The following RAB11FIP2 variants were observed in gnomAD, a reference collection of about 807,000 sequenced individuals.
The protein encoded by RAB11FIP2 is rab11 family-interacting protein 2.
Under a neutral mutation model 40.9 loss-of-function variants are expected in RAB11FIP2, and 16 were observed. The ratio of observed to expected loss-of-function variants is 0.39; its 90% CI spans 0.26 to 0.59. The LOEUF (loss-of-function observed/expected upper bound fraction) is 0.59. Among genes scored for constraint, RAB11FIP2 ranks in the 20% least tolerant of loss-of-function variants. The probability of loss-of-function intolerance (pLI) is 0.53; values close to 1 mark genes in which losing one functional copy is unlikely to be tolerated. For missense variants in RAB11FIP2, 532 were observed against 606.2 expected (o/e 0.88, Z 1.28); for synonymous variants, 228 against 213.7 (o/e 1.07, Z -0.58).
rs974094384 is a variant in RAB11FIP2, at chr10:118,004,946, T to A, written c.*4052A>T. ...TTTAAACACTTTAATCAACTATAAG[T>A]CAATAATCATATATTATATAAAAAT... is the stretch of plus-strand genomic sequence containing the variant. On this transcript the variant is annotated 3_prime_UTR_variant, in exon 5 of 5. Transcript: ENST00000355624. 6.6e-6 allele frequency: 1 copy of A among 152,614 alleles called. No homozygotes were observed. The highest frequency in any genetic ancestry group is 2.4e-5 in the African/African-American group (1 of 41,456). The allele number at this position is 152,614 out of a possible 1,614,324, so 9.5% of individuals were successfully genotyped here. A position where few individuals can be genotyped will look rare whatever the true frequency, so the allele number is the denominator to read the frequency against.
chr10:118,042,568 G>A (rs1355497268), intron 1 of RAB11FIP2, among the ~76,000 whole-genome samples: 1 of 152,200 alleles, frequency 6.6e-6, no homozygotes, highest in Non-Finnish European at 1.5e-5. Context: ...AAGGAGACAT[G>A]AGAGCTGAAG....
At chr10:118,017,158 G>A (rs975510134) in intron 3 of RAB11FIP2, among the ~76,000 whole-genome samples, 8 of 152,128 alleles carry the variant, frequency 5.3e-5, no homozygotes, top group African/African-American at 1.7e-4. Context: ...GTTAGTAGCT[G>A]GTGGAGCTGT....
rs995533559 is a variant in RAB11FIP2 at position 118,007,687 on chromosome 10, T to C, written c.*1311A>G. On this transcript the variant is annotated 3_prime_UTR_variant, in exon 5 of 5. Coordinates refer to ENST00000355624, the MANE Select transcript of RAB11FIP2 (RefSeq NM_014904.3). ...GAAGATTAGCAATATTTTTATAACA[T>C]TGCTTGTCAATTTAAATTTCAGAAA... The C allele has an allele frequency of 6.6e-6, 1 of 152,082 alleles. No individual in the cohort carries two copies. The highest frequency in any genetic ancestry group is 2.4e-5 in the African/African-American group (1 of 41,432). 9.4% of individuals were successfully genotyped at this position (152,082 alleles called of 1,614,324 possible). A position where few individuals can be genotyped will look rare whatever the true frequency, so the allele number is the denominator to read the frequency against.
chr10:118,019,927 A>T (rs971636552), intron 3 of RAB11FIP2, among the ~76,000 whole-genome samples: 1 of 152,196 alleles, frequency 6.6e-6, no homozygotes, highest in African/African-American at 2.4e-5. Flanking sequence ...TGAGTCTAAA[A>T]GGAGGAAAAG....
chr10:118,013,716 C>T (rs981299400), intron 4 of RAB11FIP2, among the ~76,000 whole-genome samples: 10 of 152,062 alleles, frequency 6.6e-5, no homozygotes, highest in Non-Finnish European at 1.0e-4. Context: ...AATAATCACA[C>T]ATCAAGGATT....
At chr10:118,014,494 C>G (rs1053593285) in intron 4 of RAB11FIP2, among the ~76,000 whole-genome samples, 10 of 152,132 alleles carry the variant, frequency 6.6e-5, no homozygotes, top group African/African-American at 2.2e-4. Context: ...TTCAGATTAT[C>G]TGAATAATCC....
At chr10:118,011,937 T>C (rs919320845) in intron 4 of RAB11FIP2, among the ~76,000 whole-genome samples, 2 of 151,950 alleles carry the variant, frequency 1.3e-5, no homozygotes, top group East Asian at 1.9e-4. Context: ...AAATTACACA[T>C]ATATAAACTG....
chr10:118,018,698 T>C (rs1846249573), intron 3 of RAB11FIP2, among the ~76,000 whole-genome samples: 1 of 152,206 alleles, frequency 6.6e-6, no homozygotes, highest in Admixed American at 6.6e-5. Flanking sequence ...TCTTCTACAA[T>C]ATCACTTGTT....
chr10:118,016,274 C>A (rs557476203), intron 3 of RAB11FIP2, among the ~76,000 whole-genome samples: 3 of 152,284 alleles, frequency 2.0e-5, no homozygotes, highest in Non-Finnish European at 2.9e-5. Flanking sequence ...TTCAGCAGAG[C>A]TGGGTTGCAT....
At position 118,010,034 on chromosome 10, in the gene RAB11FIP2, C is replaced by T. The variant is rs1036408168; in HGVS notation, c.1312-809G>A. 2.4e-4 allele frequency among the ~76,000 whole-genome samples: 37 copies of T among 152,090 alleles called. 1 individual carries two copies. The highest frequency in any genetic ancestry group is 8.4e-4 in the African/African-American group (35 of 41,514). ...CAAAAGCATAAATATAACCAAAAAT[C>T]TTTTTTAAAAGACACTTATTAATTC... is the stretch of plus-strand genomic sequence containing the variant. On this transcript the variant is annotated intron_variant, in intron 4 of 4. Coordinates refer to ENST00000355624, the MANE Select transcript of RAB11FIP2 (RefSeq NM_014904.3).
chr10:118,025,687 C>T (rs1487770690), intron 3 of RAB11FIP2, among the ~76,000 whole-genome samples: 1 of 152,302 alleles, frequency 6.6e-6, no homozygotes, highest in South Asian at 2.1e-4. Context: ...AATAAGGTCA[C>T]ATCTTCACTA....
chr10:118,028,454 G>A (rs549650647), intron 3 of RAB11FIP2, among the ~76,000 whole-genome samples: 124 of 152,150 alleles, frequency 8.1e-4, no homozygotes, highest in African/African-American at 2.9e-3. Flanking sequence ...CCAGTTACAT[G>A]CAGGTAAGAA....
intron 1 of RAB11FIP2, among the ~76,000 whole-genome samples, chr10:118,041,167 C>A (rs1266654356): frequency 1.3e-5 from 2 of 151,376 alleles, no homozygotes; most frequent in East Asian, 3.9e-4. Context: ...TAAAATGAAT[C>A]AAAGCCTACT....
At chr10:118,035,800 G>T (rs566722688) in intron 3 of RAB11FIP2, among the ~76,000 whole-genome samples, 1 of 152,036 alleles carries the variant, frequency 6.6e-6, no homozygotes, top group Admixed American at 6.6e-5. Flanking sequence ...CTGCAGCACA[G>T]GGAACAACTA....
chr10:118,038,995 A>G lies in RAB11FIP2; in HGVS notation c.1242T>C (p.Ala414=), dbSNP rs1389643606. Residue 414 remains alanine (A), a synonymous_variant, in exon 3 of 5, where the codon GCT becomes GCC. Coordinates refer to ENST00000355624, the MANE Select transcript of RAB11FIP2 (RefSeq NM_014904.3). Reference sequence around the variant, plus strand: ...ACCTTGAAGATGGCATTATATTTGAAGCCCTGAATTTTGCTGTAAATGGAT... The same window carrying G: ...ACCTTGAAGATGGCATTATATTTGAGGCCCTGAATTTTGCTGTAAATGGAT... ...STNPFTAKFR[A]SNIMPSSSFH... 7 of 1,597,872 alleles carry G rather than the reference A, an allele frequency of 4.4e-6. No homozygotes were observed. The highest frequency in any genetic ancestry group is 6.0e-6 in the Non-Finnish European group (7 of 1,173,844).
chr10:118,026,295 T>C (rs1253653157), intron 3 of RAB11FIP2, among the ~76,000 whole-genome samples: 1 of 152,194 alleles, frequency 6.6e-6, no homozygotes, highest in African/African-American at 2.4e-5. Context: ...TGGTTATGTA[T>C]TTTTTTCTGT....
chr10:118,036,495 T>C (rs144307322), intron 3 of RAB11FIP2, among the ~76,000 whole-genome samples: 2 of 152,262 alleles, frequency 1.3e-5, no homozygotes, highest in Non-Finnish European at 2.9e-5. Context: ...AACACTACCT[T>C]GGCAATATCC....
At position 118,007,271 on chromosome 10, in the gene RAB11FIP2, C is replaced by T. The variant is rs1440510661; in HGVS notation, c.*1727G>A. The stretch of plus-strand genomic sequence containing the variant: ...TTGAGGAGAAAAAAATTGATAAAAG[C>T]TATTTTTCCTTCTCCATTTCTTAAA... On this transcript the variant is annotated 3_prime_UTR_variant, in exon 5 of 5. Transcript: ENST00000355624. 1.3e-5 allele frequency: 2 copies of T among 151,018 alleles called. No homozygotes were observed. The highest frequency in any genetic ancestry group is 1.3e-4 in the Admixed American group (2 of 15,170). The allele number at this position is 151,018 out of a possible 1,614,324, so 9.4% of individuals were successfully genotyped here.
At chr10:118,022,507 T>A (rs998362139) in intron 3 of RAB11FIP2, among the ~76,000 whole-genome samples, 1 of 152,250 alleles carries the variant, frequency 6.6e-6, no homozygotes, top group South Asian at 2.1e-4. Flanking sequence ...TTATTGCCCA[T>A]CCCCTAATGC....
Sources: gnomAD v4.1 joint callset for allele counts (sites outside exome capture counted in the v4.1 genomes callset) on GRCh38, gnomAD v4.1.1 for gene constraint, MANE v1.5 for transcripts, NCBI Gene and HGNC (gene_info 2026-07-23, HGNC 2026-07-21) for gene names.